The following MKRN2 variants were observed in gnomAD, a reference collection of about 807,000 sequenced individuals.
MKRN2 encodes the protein E3 ubiquitin-protein ligase makorin-2.
A neutral mutation model predicts 45.4 loss-of-function variants in MKRN2; 32 were observed. The observed-to-expected ratio is 0.70, with a 90% CI of 0.53 to 0.95. MKRN2 has a LOEUF of 0.95. Ranked by LOEUF, MKRN2 falls within the 40% of genes least tolerant of loss-of-function variation. The probability of loss-of-function intolerance (pLI) is 0.00; values close to 1 mark genes in which losing one functional copy is unlikely to be tolerated. For missense variants in MKRN2, 526 were observed against 536.7 expected (o/e 0.98, Z 0.20); for synonymous variants, 206 against 192.4 (o/e 1.07, Z -0.59).
Position 12,574,921 on chromosome 3 carries a change from A to G in MKRN2, c.772A>G (p.Ile258Val). 1 of 1,614,194 alleles carries G rather than the reference A, an allele frequency of 6.2e-7. No homozygotes were observed. The highest frequency in any genetic ancestry group is 1.1e-5 in the South Asian group (1 of 91,088). ...KASASERRFG[I>V]LSNCNHTYCL... ...CTCTGCTTCTGAGAGGAGATTTGGG[A>G]TTCTCTCCAATTGCAATCACACGTA... The change falls in exon 5 of 8, where the codon ATT becomes GTT. Residue 258 changes from isoleucine (I) to valine (V), a missense_variant. Ile to Val is a conservative substitution (Grantham distance 29). Transcript: ENST00000170447.
intron 6 of MKRN2, among the ~76,000 whole-genome samples, chr3:12,577,605 T>A (rs969765096): frequency 1.3e-4 from 20 of 152,188 alleles, no homozygotes; most frequent in African/African-American, 4.8e-4. Flanking sequence ...AATTTTAGAT[T>A]TTATCCTTGA....
At position 12,578,312 on chromosome 3, in the gene MKRN2, CTTTTTTTTTTTTTTTTT is replaced by C. The variant is rs71063833; in HGVS notation, c.968+1580_968+1596del. ...GCCTGCTCCAGGATAAGAGCTACTT[CTTTTTTTTTTTTTTTTT>C]TTTTTTTTGGAGATGGAGTCTTGCT... On this transcript the variant is annotated intron_variant, in intron 6 of 7. Coordinates refer to ENST00000170447, the MANE Select transcript of MKRN2 (RefSeq NM_014160.5). Among the ~76,000 whole-genome samples the C allele has an allele frequency of 4.9e-3, 354 of 71,784 alleles. 2 individuals are homozygous for C. Among genetic ancestry groups the C allele is most frequent in the Middle Eastern group, 0.038 (3 of 78 alleles). The allele number at this position is 71,784 out of a possible 152,430, so 47.1% of individuals were successfully genotyped here. A position where few individuals can be genotyped will look rare whatever the true frequency, so the allele number is the denominator to read the frequency against.
At chr3:12,566,868 G>T (rs946692045) in intron 1 of MKRN2, among the ~76,000 whole-genome samples, 1 of 152,214 alleles carries the variant, frequency 6.6e-6, no homozygotes, top group Admixed American at 6.5e-5. Flanking sequence ...CTCCCAAAGC[G>T]CTGGGATTAT....
At chr3:12,576,424 C>T (rs2058137096) in intron 5 of MKRN2, among the ~76,000 whole-genome samples, 1 of 151,984 alleles carries the variant, frequency 6.6e-6, no homozygotes, top group Admixed American at 6.6e-5. Flanking sequence ...GTGTGATGTT[C>T]CCCCACATGT....
At chr3:12,581,776 C>T (rs1161944833) in intron 6 of MKRN2, 32 bp from the exon 7 acceptor site, 1 of 1,611,276 alleles carries the variant, frequency 6.2e-7, no homozygotes, top group Admixed American at 1.7e-5. Flanking sequence ...ATTTTCCCAC[C>T]AGCCTCTTGA....
At chr3:12,573,130 G>A (rs1043875373) in intron 4 of MKRN2, among the ~76,000 whole-genome samples, 1 of 152,244 alleles carries the variant, frequency 6.6e-6, no homozygotes, top group East Asian at 1.9e-4. Context: ...GGAGCCACTT[G>A]TTGGAAGGGC....
intron 1 of MKRN2, among the ~76,000 whole-genome samples, chr3:12,558,849 AC>A (rs761459687): frequency 2.6e-5 from 4 of 152,284 alleles, no homozygotes; most frequent in Non-Finnish European, 5.9e-5. Flanking sequence ...TTGGGGACTT[AC>A]AATGTGCTGC....
chr3:12,569,256 G>GGGTCAAGCA (rs1553608148), intron 2 of MKRN2, among the ~76,000 whole-genome samples: 1 of 150,714 alleles, frequency 6.6e-6, no homozygotes, highest in African/African-American at 2.4e-5. Flanking sequence ...CCGCCTCCAG[G>GGGTCAAGCA]GTTCTCCTGC....
At chr3:12,578,546 A>C (rs1025748277) in intron 6 of MKRN2, among the ~76,000 whole-genome samples, 2 of 151,964 alleles carry the variant, frequency 1.3e-5, no homozygotes, top group African/African-American at 4.8e-5. Context: ...TGAACTCCTG[A>C]GCTCAGGCAA....
At chr3:12,564,866 C>T (rs183879323) in intron 1 of MKRN2, among the ~76,000 whole-genome samples, 6 of 152,348 alleles carry the variant, frequency 3.9e-5, no homozygotes, top group Non-Finnish European at 8.8e-5. Context: ...TAAATGGAAT[C>T]ATGCAACATG....
At chr3:12,557,306 G>C (rs1037540135) in intron 1 of MKRN2, 130 bp downstream of exon 1, 37 of 1,273,462 alleles carry the variant, frequency 2.9e-5, no homozygotes, top group Non-Finnish European at 3.8e-5. Flanking sequence ...TGTTCGCGGC[G>C]GGGCTTTGCG....
intron 1 of MKRN2, among the ~76,000 whole-genome samples, chr3:12,564,580 T>C (rs377329346): frequency 2.0e-5 from 3 of 152,308 alleles, no homozygotes; most frequent in South Asian, 4.1e-4. Context: ...TAACCTAGCA[T>C]TGTCCCTTCC....
intron 3 of MKRN2, 88 bp from the exon 4 acceptor site, chr3:12,571,981 A>G: frequency 7.6e-7 from 1 of 1,322,412 alleles, no homozygotes; most frequent in Non-Finnish European, 1.0e-6. Flanking sequence ...CTTAGGTCAG[A>G]GTAGCTTAAT....
At chr3:12,570,808 G>C (rs930985881) in intron 3 of MKRN2, among the ~76,000 whole-genome samples, 1 of 150,802 alleles carries the variant, frequency 6.6e-6, no homozygotes, top group Admixed American at 6.6e-5. Context: ...TCTTGAACCC[G>C]GGAGGCAAAG....
chr3:12,563,401 C>T (rs1378436647), intron 1 of MKRN2, among the ~76,000 whole-genome samples: 1 of 151,856 alleles, frequency 6.6e-6, no homozygotes, highest in East Asian at 1.9e-4. Flanking sequence ...CACTAGTACC[C>T]TTTCTCTGGA....
At chr3:12,574,760 A>G (rs1278528745) in intron 4 of MKRN2, 32 bp from the exon 5 acceptor site, 1 of 1,594,104 alleles carries the variant, frequency 6.3e-7, no homozygotes, top group Non-Finnish European at 8.6e-7. Flanking sequence ...AGTGGCCCAC[A>G]ACCAAAGCCT....
chr3:12,560,383 A>G (rs2058026252), intron 1 of MKRN2, among the ~76,000 whole-genome samples: 1 of 151,632 alleles, frequency 6.6e-6, no homozygotes, highest in Non-Finnish European at 1.5e-5. Flanking sequence ...AGCCTGCCAC[A>G]GTGCCTACCA....
Position 12,574,857 on chromosome 3 carries a change from A to G in MKRN2, c.708A>G (p.Lys236=), listed in dbSNP as rs1559390562. ...KAFAFQASQD[K]VCSICMEVIL... is the part of the protein sequence containing the mutation. The stretch of plus-strand genomic sequence containing the variant: ...TTGCCTTCCAGGCAAGCCAGGACAA[A>G]GTGTGCAGTATCTGCATGGAAGTGA... The change falls in exon 5 of 8, where the codon AAA becomes AAG. Residue 236 remains lysine (K), a synonymous_variant. Transcript: ENST00000170447. 1 of 1,614,208 alleles carries G rather than the reference A, an allele frequency of 6.2e-7. No individual in the cohort carries two copies. The highest frequency in any genetic ancestry group is 1.7e-5 in the Admixed American group (1 of 60,024).
chr3:12,576,189 ATGTGTG>A (rs59197804), intron 5 of MKRN2, among the ~76,000 whole-genome samples: 1,854 of 143,266 alleles, frequency 0.013, 24 homozygotes, highest in African/African-American at 0.032. Flanking sequence ...GAAACCATAT[ATGTGTG>A]TGTGTGTGTG....
Sources: gnomAD v4.1 joint callset for allele counts (sites outside exome capture counted in the v4.1 genomes callset) on GRCh38, gnomAD v4.1.1 for gene constraint, MANE v1.5 for transcripts, NCBI Gene and HGNC (gene_info 2026-07-23, HGNC 2026-07-21) for gene names.